The following TEK variants were observed in gnomAD, a reference collection of about 807,000 sequenced individuals.
The protein encoded by TEK is TEK receptor tyrosine kinase, also known as angiopoietin-1 receptor.
A neutral mutation model predicts 131.8 loss-of-function variants in TEK; 43 were observed. That is an observed-to-expected ratio of 0.33 (90% CI 0.26 to 0.42). The LOEUF is 0.42. Ranked by LOEUF, TEK falls within the 10% of genes least tolerant of loss-of-function variation. The probability of loss-of-function intolerance (pLI) is 1.00; values close to 1 mark genes in which losing one functional copy is unlikely to be tolerated. For missense variants in TEK, 1,162 were observed against 1,384.4 expected (o/e 0.84, Z 2.55); for synonymous variants, 580 against 491.6 (o/e 1.18, Z -2.38).
intron 2 of TEK, among the ~76,000 whole-genome samples, chr9:27,163,208 T>C (rs976720800): frequency 4.6e-5 from 7 of 152,152 alleles, no homozygotes; most frequent in Non-Finnish European, 7.4e-5. Flanking sequence ...TACTAGCTAG[T>C]GAGTGTTGGA....
intron 1 of TEK, among the ~76,000 whole-genome samples, chr9:27,114,139 CATT>C (rs1821454499): frequency 6.6e-6 from 1 of 152,204 alleles, no homozygotes; most frequent in South Asian, 2.1e-4. Context: ...TTTCTATTCT[CATT>C]AGTACATGTA....
intron 1 of TEK, among the ~76,000 whole-genome samples, chr9:27,138,124 CAGTG>C (rs1439179052): frequency 2.6e-5 from 4 of 152,208 alleles, no homozygotes; most frequent in Admixed American, 6.5e-5. Context: ...CAGACCCTCT[CAGTG>C]AGTGTTTCAG....
At chr9:27,156,511 T>C (rs1823336543) in intron 1 of TEK, among the ~76,000 whole-genome samples, 1 of 151,804 alleles carries the variant, frequency 6.6e-6, no homozygotes, top group African/African-American at 2.4e-5. Flanking sequence ...AAGGTGGCCA[T>C]GCCAAGAGTG....
Position 27,169,629 on chromosome 9 carries a change from A to G in TEK, c.628A>G (p.Arg210Gly). The change falls in exon 4 of 23, where the codon AGA becomes GGA. Residue 210 changes from arginine (R) to glycine (G), a missense_variant and splice_region_variant. Around this residue, in one of 6 missense-constraint regions of TEK, gnomAD observed 436 missense variants for 539.1 expected, o/e 0.81. Coordinates refer to ENST00000380036, the MANE Select transcript of TEK (RefSeq NM_000459.5). Reference protein sequence around the residue: ...TSAFTRLIVRRCEAQKWGPEC... With the variant: ...TSAFTRLIVRGCEAQKWGPEC... The stretch of plus-strand genomic sequence containing the variant: ...GGCCTTCACCAGGCTGATAGTCCGG[A>G]GTAAGTGATGGAGAGGCCACCATTT... 1 of 1,614,018 alleles carries G rather than the reference A, an allele frequency of 6.2e-7. No individual in the cohort carries two copies. Among genetic ancestry groups the G allele is most frequent in the Non-Finnish European group, 8.5e-7 (1 of 1,179,948 alleles).
intron 21 of TEK, among the ~76,000 whole-genome samples, chr9:27,227,726 G>A (rs1787391344): frequency 6.6e-6 from 1 of 152,154 alleles, no homozygotes; most frequent in African/African-American, 2.4e-5. Flanking sequence ...CCATCACATG[G>A]TTTCAACACA....
At chr9:27,136,122 C>T (rs1822424700) in intron 1 of TEK, among the ~76,000 whole-genome samples, 1 of 143,362 alleles carries the variant, frequency 7.0e-6, no homozygotes, top group South Asian at 2.2e-4. Context: ...CGCTCTGTCA[C>T]TCAGGTTGGA....
intron 2 of TEK, among the ~76,000 whole-genome samples, chr9:27,159,394 A>T (rs779971004): frequency 6.6e-6 from 1 of 152,182 alleles, no homozygotes; most frequent in Non-Finnish European, 1.5e-5. Context: ...TGAGCCTAGT[A>T]TCAGAGTGAG....
chr9:27,196,989 A>G (rs1331234846), intron 11 of TEK, among the ~76,000 whole-genome samples: 1 of 149,696 alleles, frequency 6.7e-6, no homozygotes, highest in Non-Finnish European at 1.5e-5. Flanking sequence ...CTTTAGGTAT[A>G]TCTCCTAATG....
rs1821237891 is a variant in TEK, at chr9:27,109,269, C to CAACAGA, written c.-321_-316dup. On this transcript the variant is annotated 5_prime_UTR_variant, in exon 1 of 23. Coordinates refer to ENST00000380036, the MANE Select transcript of TEK (RefSeq NM_000459.5). The stretch of plus-strand genomic sequence containing the variant: ...GCAAAAGCAGCAGCAGAAGCAACAG[C>CAACAGA]AACAGATAAGTGTTTTGATGAATTG... The CAACAGA allele has an allele frequency of 1.9e-6, 1 of 524,788 alleles. No individual in the cohort carries two copies. The allele number at this position is 524,788 out of a possible 1,614,324, so 32.5% of individuals were successfully genotyped here.
intron 18 of TEK, among the ~76,000 whole-genome samples, chr9:27,216,673 A>G (rs1825830134): frequency 6.6e-6 from 1 of 152,212 alleles, no homozygotes; most frequent in Non-Finnish European, 1.5e-5. Flanking sequence ...GAATATTGCC[A>G]CTCCACAAAG....
chr9:27,173,083 T>C, intron 5 of TEK, 139 bp from the exon 6 acceptor site: 2 of 1,093,052 alleles, frequency 1.8e-6, no homozygotes, highest in South Asian at 1.3e-5. Context: ...GCCATAAGGG[T>C]ATGTTCATCC....
chr9:27,147,530 T>C (rs1468379178), intron 1 of TEK, among the ~76,000 whole-genome samples: 1 of 152,150 alleles, frequency 6.6e-6, no homozygotes, highest in Non-Finnish European at 1.5e-5. Context: ...GTTCATGGTT[T>C]GTCCTTTTAT....
intron 15 of TEK, among the ~76,000 whole-genome samples, chr9:27,208,866 TATTGGCATCTA>T (rs1825498376): frequency 6.6e-6 from 1 of 152,232 alleles, no homozygotes; most frequent in Non-Finnish European, 1.5e-5. Context: ...TTTGATTGGC[TATTGGCATCTA>T]GTTAGTAGAG....
At chr9:27,180,117 C>T in intron 6 of TEK, 123 bp from the exon 7 acceptor site, 1 of 1,394,576 alleles carries the variant, frequency 7.2e-7, no homozygotes, top group Non-Finnish European at 1.0e-6. Flanking sequence ...ATAAATTACC[C>T]CCTACCTTAC....
At chr9:27,193,652 G>T (rs916923599) in intron 11 of TEK, among the ~76,000 whole-genome samples, 1 of 151,986 alleles carries the variant, frequency 6.6e-6, no homozygotes, top group East Asian at 1.9e-4. Flanking sequence ...ACTCTCTCTT[G>T]GTCAGTACTT....
At chr9:27,178,116 A>C (rs1824237505) in intron 6 of TEK, among the ~76,000 whole-genome samples, 2 of 152,044 alleles carry the variant, frequency 1.3e-5, no homozygotes, top group Non-Finnish European at 2.9e-5. Context: ...TTGTGTCTTT[A>C]GTCAATTTTG....
chr9:27,214,987 C>A (rs1825765627), intron 18 of TEK, among the ~76,000 whole-genome samples: 1 of 152,152 alleles, frequency 6.6e-6, no homozygotes, highest in Admixed American at 6.5e-5. Flanking sequence ...CCCAACTCCT[C>A]CCTCACCACC....
intron 12 of TEK, among the ~76,000 whole-genome samples, chr9:27,202,584 A>G (rs1180760779): frequency 6.6e-6 from 1 of 152,208 alleles, no homozygotes; most frequent in Non-Finnish European, 1.5e-5. Context: ...CAGAATTTCT[A>G]AGGCCTTCAT....
intron 17 of TEK, 119 bp from the exon 18 acceptor site, chr9:27,213,365 C>G (rs1373696567): frequency 8.2e-6 from 6 of 732,570 alleles, no homozygotes; most frequent in Non-Finnish European, 1.4e-5. Flanking sequence ...TTTAAGGGAA[C>G]TGGATTGTGA....
Sources: allele counts gnomAD v4.1 joint callset (sites outside exome capture counted in the v4.1 genomes callset), GRCh38; gene constraint gnomAD v4.1.1; regional missense constraint gnomAD v4.1.1; transcripts MANE v1.5; gene names NCBI Gene and HGNC (gene_info 2026-07-23, HGNC 2026-07-21).